Variants in CHD1L observed in about 807,000 individuals in gnomAD.
CHD1L encodes the protein ATP-dependent chromatin remodeler CHD1L.
CHD1L carries 118 observed loss-of-function variants against 115.9 expected under a neutral mutation model. That is an observed-to-expected ratio of 1.02 (90% CI 0.88 to 1.19). The LOEUF is 1.19. CHD1L is among the 50% of genes most tolerant of loss of function. The pLI is 0.00. For synonymous variants in CHD1L, 411 were observed against 387.1 expected (o/e 1.06, Z -0.72); for missense variants, 1,179 against 1,065.3 (o/e 1.11, Z -1.49).
the CHD1L span, among the ~76,000 whole-genome samples, chr1:147,232,659 T>G: frequency 0.1 from 15,950 of 152,016 alleles, 935 homozygotes; most frequent in East Asian, 0.15. Context: ...CCGCCACGCC[T>G]GACTGGTTTT....
the CHD1L span, chr1:147,203,972 A>T: frequency 4.1e-6 from 5 of 1,220,028 alleles, no homozygotes; most frequent in African/African-American, 4.4e-5. Flanking sequence ...GAGTCTTCGG[A>T]CATCCCATTT....
At chr1:147,204,306 G>T in the CHD1L span, 1 of 962,456 alleles carries the variant, frequency 1.0e-6, no homozygotes, top group Non-Finnish European at 1.7e-6. Context: ...TGATACCACA[G>T]CCCAGAATTT....
At chr1:147,203,265 A>G in the CHD1L span, 2 of 1,506,796 alleles carry the variant, frequency 1.3e-6, no homozygotes, top group African/African-American at 2.8e-5. Flanking sequence ...AGTAAAAATT[A>G]AGCCAATTTC....
At chr1:147,208,583 A>T in the CHD1L span, 1 of 311,954 alleles carries the variant, frequency 3.2e-6, no homozygotes. Flanking sequence ...GGGACTACAG[A>T]CAGGTGCCAC....
chr1:147,190,171 TCTTAC>T, the CHD1L span: 2 of 1,585,540 alleles, frequency 1.3e-6, no homozygotes, highest in Non-Finnish European at 1.7e-6. Context: ...TGGGAGAGTT[TCTTAC>T]CTTTTGTCAA....
At position 147,293,722 on chromosome 1, in the gene CHD1L, G is replaced by A; in HGVS notation, c.2506G>A (p.Ala836Thr). 3.7e-6 allele frequency: 6 copies of A among 1,610,186 alleles called. No individual in the cohort carries two copies. The highest frequency in any genetic ancestry group is 5.1e-6 in the Non-Finnish European group (6 of 1,176,626). Reference sequence around the variant, plus strand: ...ATTTTTAGCAGCAAAAAAGAAGAAAGGTAAGCTCTTCCACCTGTGCTCAAG... The same window carrying A: ...ATTTTTAGCAGCAAAAAAGAAGAAAAGTAAGCTCTTCCACCTGTGCTCAAG... ...KIFLAAKKKK[A>T]SVHLPRIGHA... The change falls in exon 21 of 23, where the codon GCA becomes ACA. Residue 836 changes from alanine to threonine, a missense_variant and splice_region_variant. Coordinates refer to ENST00000369258, the MANE Select transcript of CHD1L (RefSeq NM_004284.6).
At chr1:147,198,700 A>C in the CHD1L span, among the ~76,000 whole-genome samples, 6 of 151,936 alleles carry the variant, frequency 3.9e-5, no homozygotes, top group South Asian at 2.1e-4. Flanking sequence ...AACACAAAAA[A>C]ACTAGCCGGG....
At position 147,294,458 on chromosome 1, in the gene CHD1L, G is replaced by A; in HGVS notation, c.2556G>A (p.Trp852Ter). ...GACATGCCACGAAAGGTTTTAACTG[G>A]TATGGTACTGAGCGACTTATTCGGA... ...RIGHATKGFN[W>*]YGTERLIRKH... is the part of the protein sequence containing the mutation. Residue 852 changes from tryptophan to a stop codon, truncating the protein, a stop_gained, in exon 22 of 23, where the codon TGG (tryptophan) becomes TGA (stop). Coordinates refer to ENST00000369258, the MANE Select transcript of CHD1L (RefSeq NM_004284.6). LOFTEE classifies it high-confidence loss of function. The A allele has an allele frequency of 1.9e-6, 3 of 1,613,384 alleles. No homozygotes were observed. Among genetic ancestry groups the A allele is most frequent in the South Asian group, 1.1e-5 (1 of 90,946 alleles).
intron 14 of CHD1L, among the ~76,000 whole-genome samples, chr1:147,279,547 G>T (rs1381144811): frequency 2.0e-5 from 3 of 152,152 alleles, no homozygotes; most frequent in African/African-American, 7.2e-5. Flanking sequence ...ACTGTGTTAG[G>T]AAAACAAATT....
chr1:147,281,061 A>G (rs907669282), intron 15 of CHD1L, among the ~76,000 whole-genome samples: 26 of 152,140 alleles, frequency 1.7e-4, no homozygotes, highest in Admixed American at 1.7e-3. Flanking sequence ...GTGAATTTCC[A>G]TCGCTCGCTT....
the CHD1L span, chr1:147,204,538 T>C: frequency 6.3e-7 from 1 of 1,578,368 alleles, no homozygotes; most frequent in Non-Finnish European, 8.7e-7. Context: ...AGCTATTTCA[T>C]AACCTTCTAT....
chr1:147,230,453 A>G, the CHD1L span, among the ~76,000 whole-genome samples: 2 of 86,574 alleles, frequency 2.3e-5, 1 homozygote, highest in Non-Finnish European at 3.9e-5. Flanking sequence ...CATGAGGGCT[A>G]TTGGTCTAGA....
At chr1:147,179,017 G>C in the CHD1L span, 2 of 1,613,856 alleles carry the variant, frequency 1.2e-6, no homozygotes, top group South Asian at 2.2e-5. Context: ...CTTTGCTGTA[G>C]CTAGCCGCAA....
the CHD1L span, among the ~76,000 whole-genome samples, chr1:147,193,498 T>C: frequency 0.037 from 5,607 of 152,162 alleles, 154 homozygotes; most frequent in South Asian, 0.095. Flanking sequence ...TTTTGTGACT[T>C]AATTTCCTTC....
At chr1:147,203,114 C>CTTTTTT in the CHD1L span, among the ~76,000 whole-genome samples, 11 of 147,790 alleles carry the variant, frequency 7.4e-5, 1 homozygote, top group South Asian at 8.6e-4. Flanking sequence ...CAAAGGTTTC[C>CTTTTTT]TTTTTTTTTT....
the CHD1L span, among the ~76,000 whole-genome samples, chr1:147,177,880 CT>C: frequency 6.6e-6 from 1 of 151,312 alleles, no homozygotes; most frequent in African/African-American, 2.4e-5. Context: ...TATGAAACTT[CT>C]TTTTTTTTAA....
At chr1:147,277,329 C>G (rs1559840800) in intron 14 of CHD1L, among the ~76,000 whole-genome samples, 1 of 152,108 alleles carries the variant, frequency 6.6e-6, no homozygotes, top group Non-Finnish European at 1.5e-5. Context: ...AAAAGTGACA[C>G]AATATTAGAA....
At chr1:147,234,539 T>G in the CHD1L span, among the ~76,000 whole-genome samples, 61 of 152,382 alleles carry the variant, frequency 4.0e-4, no homozygotes, top group African/African-American at 1.4e-3. Context: ...ACATGTAAAG[T>G]GCCCACACGT....
chr1:147,176,049 T>C, the CHD1L span: 3 of 152,174 alleles, frequency 2.0e-5, no homozygotes, highest in South Asian at 6.2e-4. Context: ...GTGGAGTTAT[T>C]GATACTTACC....
Sources: gnomAD v4.1 joint callset for allele counts (sites outside exome capture counted in the v4.1 genomes callset) on GRCh38, gnomAD v4.1.1 for gene constraint, MANE v1.5 for transcripts, NCBI Gene and HGNC (gene_info 2026-07-23, HGNC 2026-07-21) for gene names.